Variants in BTG4 observed in about 807,000 individuals in gnomAD.
BTG4 encodes the protein BTG anti-proliferation factor 4, also known as protein BTG4.
A neutral mutation model predicts 19.3 loss-of-function variants in BTG4; 10 were observed. The observed-to-expected ratio is 0.52, with a 90% CI of 0.32 to 0.88. The LOEUF is 0.88. BTG4 is among the 40% of genes least tolerant of loss of function. BTG4 has a pLI of 0.04. For missense variants in BTG4, 238 were observed against 281.9 expected, an observed-to-expected ratio of 0.84 and a Z score of 1.11; for synonymous variants, 91 against 95.7, an observed-to-expected ratio of 0.95 and a Z score of 0.29.
chr11:111,431,438 G>A, the BTG4 span, among the ~76,000 whole-genome samples: 2,469 of 152,238 alleles, frequency 0.016, 67 homozygotes, highest in African/African-American at 0.057. Context: ...TTTCCTAAAG[G>A]GGCATAGCCA....
At chr11:111,389,103 G>A in the BTG4 span, among the ~76,000 whole-genome samples, 6 of 152,354 alleles carry the variant, frequency 3.9e-5, no homozygotes, top group South Asian at 1.0e-3. Context: ...GATCCAACAT[G>A]CGAAGGCAAG....
chr11:111,427,898 G>T, the BTG4 span, among the ~76,000 whole-genome samples: 1 of 152,140 alleles, frequency 6.6e-6, no homozygotes, highest in Non-Finnish European at 1.5e-5. Flanking sequence ...ACATCACAAG[G>T]CACAGGCTTT....
chr11:111,468,438 C>T (rs1335964557), intron 5 of BTG4, among the ~76,000 whole-genome samples: 2 of 152,198 alleles, frequency 1.3e-5, no homozygotes, highest in Non-Finnish European at 2.9e-5. Context: ...GGCTAAGTAA[C>T]TTCCCCAAGA....
chr11:111,472,503 A>G (rs11213919), intron 5 of BTG4, among the ~76,000 whole-genome samples: 7,629 of 152,262 alleles, frequency 0.05, 623 homozygotes, highest in African/African-American at 0.17. Flanking sequence ...CCTACAGTGC[A>G]TGGGACAGCT....
chr11:111,459,006 T>A, the BTG4 span, among the ~76,000 whole-genome samples: 1 of 151,404 alleles, frequency 6.6e-6, no homozygotes, highest in Admixed American at 6.6e-5. Context: ...CTTTGGGAGG[T>A]CGAGGCAGGT....
At chr11:111,445,834 T>C in the BTG4 span, among the ~76,000 whole-genome samples, 13 of 152,128 alleles carry the variant, frequency 8.5e-5, no homozygotes, top group African/African-American at 3.1e-4. Context: ...ATCCACAAAA[T>C]AAAAGAGCTG....
At chr11:111,400,363 T>A in the BTG4 span, among the ~76,000 whole-genome samples, 1 of 152,202 alleles carries the variant, frequency 6.6e-6, no homozygotes, top group African/African-American at 2.4e-5. Flanking sequence ...CTGGAGTTAA[T>A]TTACAAATAA....
the BTG4 span, chr11:111,451,137 G>T: frequency 4.3e-6 from 1 of 232,602 alleles, no homozygotes; most frequent in Non-Finnish European, 9.3e-6. Flanking sequence ...TATGACCTGT[G>T]AGTGTCCAGA....
At chr11:111,395,848 C>A in the BTG4 span, among the ~76,000 whole-genome samples, 2 of 152,236 alleles carry the variant, frequency 1.3e-5, no homozygotes, top group African/African-American at 4.8e-5. Context: ...ACTTACCCTG[C>A]AGACAAATGT....
intron 3 of BTG4, 71 bp downstream of exon 3, chr11:111,497,927 G>T: frequency 6.6e-7 from 1 of 1,503,956 alleles, no homozygotes. Context: ...CATCTTTCAT[G>T]AAGGTATGTA....
intron 5 of BTG4, among the ~76,000 whole-genome samples, chr11:111,480,614 A>G (rs1454583521): frequency 6.6e-6 from 1 of 151,974 alleles, no homozygotes; most frequent in Non-Finnish European, 1.5e-5. Context: ...TGTATTGTCC[A>G]ACCAGAACAG....
At chr11:111,435,949 C>T in the BTG4 span, among the ~76,000 whole-genome samples, 1 of 152,218 alleles carries the variant, frequency 6.6e-6, no homozygotes. Flanking sequence ...CTGAGGACCT[C>T]CCCCGCAGAA....
intron 5 of BTG4, among the ~76,000 whole-genome samples, chr11:111,485,506 C>T (rs112867687): frequency 1.3e-5 from 2 of 152,098 alleles, no homozygotes; most frequent in East Asian, 1.9e-4. Context: ...CCTAACCGAC[C>T]ATGAGGTCAA....
the BTG4 span, among the ~76,000 whole-genome samples, chr11:111,442,814 A>T: frequency 6.6e-5 from 10 of 152,336 alleles, no homozygotes; most frequent in South Asian, 2.1e-3. Flanking sequence ...TGAAGAAGCA[A>T]CAAATCTCAC....
chr11:111,453,667 T>C, the BTG4 span: 2 of 375,998 alleles, frequency 5.3e-6, no homozygotes, highest in Non-Finnish European at 1.1e-5. Flanking sequence ...TCTTCCAAGA[T>C]TGCTCAATTC....
chr11:111,438,655 T>C, the BTG4 span, among the ~76,000 whole-genome samples: 1 of 152,206 alleles, frequency 6.6e-6, no homozygotes, highest in Admixed American at 6.5e-5. Flanking sequence ...AGAGTAAACA[T>C]TAAACATTTT....
the BTG4 span, chr11:111,397,909 G>A: frequency 6.6e-6 from 1 of 152,194 alleles, no homozygotes; most frequent in African/African-American, 2.4e-5. Context: ...TACAGTTAAA[G>A]AAATACTGTG....
At chr11:111,429,319 C>T in the BTG4 span, among the ~76,000 whole-genome samples, 75,471 of 151,962 alleles carry the variant, frequency 0.5, 19,888 homozygotes, top group African/African-American at 0.68. Context: ...AAGATGAACT[C>T]GGAACTGAGA....
At position 111,488,873 on chromosome 11, in the gene BTG4, C is replaced by T. The variant is rs150373828; in HGVS notation, c.662+6290G>A. On this transcript the variant is annotated intron_variant, in intron 5 of 5. Coordinates refer to the BTG4 transcript ENST00000356018. ...AAAAGAAAACAAACAAGGCCGGCCA[C>T]GGTGGCTCAAGACTGTAATCCCAGC... 4.5e-3 allele frequency among the ~76,000 whole-genome samples: 686 copies of T among 152,176 alleles called. 5 individuals carry two copies. Among genetic ancestry groups the T allele is most frequent in the African/African-American group, 0.015 (638 of 41,522 alleles).
Sources: gnomAD v4.1 joint callset for allele counts (sites outside exome capture counted in the v4.1 genomes callset) on GRCh38, gnomAD v4.1.1 for gene constraint, MANE v1.5 for transcripts, NCBI Gene and HGNC (gene_info 2026-07-23, HGNC 2026-07-21) for gene names.